Variants in MXRA7 observed in about 807,000 individuals in gnomAD.
The protein encoded by MXRA7 is matrix-remodeling-associated protein 7.
In MXRA7, 18 loss-of-function variants were observed where a neutral mutation model predicts 17.4. That is an observed-to-expected ratio of 1.03 (90% CI 0.71 to 1.53). The LOEUF is 1.53. MXRA7 is among the 40% of genes most tolerant of loss of function. The pLI, the probability that MXRA7 is intolerant of heterozygous loss-of-function variation, is 0.00. For missense variants in MXRA7, 141 were observed against 209.3 expected (o/e 0.67, Z 2.01); for synonymous variants, 70 against 101.7 (o/e 0.69, Z 1.87).
At chr17:76,685,026 C>T (rs1323993900) in intron 3 of MXRA7, 46 bp downstream of exon 3, 6 of 1,532,922 alleles carry the variant, frequency 3.9e-6, no homozygotes, top group Non-Finnish European at 5.4e-6. Context: ...GGGCACCCCC[C>T]TCCCCCAAGA....
chr17:76,700,762 C>T (rs909396035), intron 1 of MXRA7, among the ~76,000 whole-genome samples: 17 of 152,110 alleles, frequency 1.1e-4, no homozygotes, highest in African/African-American at 4.1e-4. Context: ...GACCTCAGAC[C>T]GGATGAAGTG....
At chr17:76,700,722 C>T (rs950846412) in intron 1 of MXRA7, among the ~76,000 whole-genome samples, 3 of 152,178 alleles carry the variant, frequency 2.0e-5, no homozygotes, top group Non-Finnish European at 4.4e-5. Context: ...CGTTCCACTG[C>T]GGCAGACAAG....
At position 76,680,384 on chromosome 17, in the gene MXRA7, G is replaced by C; in HGVS notation, c.*483C>G. On this transcript the variant is annotated 3_prime_UTR_variant, in exon 4 of 4. Transcript: ENST00000449428. ...GGGTTCCCAGGGAAAGGGGTCGGCT[G>C]ACCACCCTGACGGAGCTGGTGAGCA... 1 of 985,826 alleles carries C rather than the reference G, an allele frequency of 1.0e-6. No individual in the cohort carries two copies. Among genetic ancestry groups the C allele is most frequent in the Non-Finnish European group, 1.2e-6 (1 of 830,236 alleles). 61.1% of individuals were successfully genotyped at this position (985,826 alleles called of 1,614,324 possible). A position where few individuals can be genotyped will look rare whatever the true frequency, so the allele number is the denominator to read the frequency against.
rs527335772 is a variant in MXRA7 at position 76,699,887 on chromosome 17, T to G, written c.342+10718A>C. ...GACTGCCACCCAGAGCAGCTCTGTT[T>G]TTGCTTTATGTCCTGGGCTTCCATA... On this transcript the variant is annotated intron_variant, in intron 1 of 3. Coordinates refer to ENST00000449428, the MANE Select transcript of MXRA7 (RefSeq NM_198530.4). 5.5e-4 allele frequency among the ~76,000 whole-genome samples: 84 copies of G among 152,320 alleles called. 1 individual carries two copies. In the South Asian group the frequency reaches 0.016, roughly 29 times the overall value.
intron 1 of MXRA7, among the ~76,000 whole-genome samples, chr17:76,692,742 T>G (rs59953252): frequency 0.14 from 20,650 of 152,172 alleles, 1,638 homozygotes; most frequent in East Asian, 0.32. Flanking sequence ...TTTGAAAGGT[T>G]ATTTACATTT....
At chr17:76,698,582 C>T (rs1282573582) in intron 1 of MXRA7, among the ~76,000 whole-genome samples, 2 of 152,184 alleles carry the variant, frequency 1.3e-5, no homozygotes, top group East Asian at 3.8e-4. Flanking sequence ...GAACTTCTGT[C>T]CAGAACCTAG....
intron 1 of MXRA7, among the ~76,000 whole-genome samples, chr17:76,702,074 A>G (rs1336343542): frequency 1.3e-5 from 2 of 152,230 alleles, no homozygotes; most frequent in Non-Finnish European, 2.9e-5. Flanking sequence ...CTACATTTTG[A>G]GATAGAGAAA....
intron 3 of MXRA7, chr17:76,684,556 G>A: frequency 3.1e-6 from 1 of 320,186 alleles, no homozygotes; most frequent in South Asian, 2.3e-5. Flanking sequence ...AAATGGGAAG[G>A]GGGAGCCAAT....
At chr17:76,687,584 G>A (rs2286590) in intron 2 of MXRA7, among the ~76,000 whole-genome samples, 53,292 of 151,992 alleles carry the variant, frequency 0.35, 10,233 homozygotes, top group Middle Eastern at 0.49. Flanking sequence ...TGTCCTGGCC[G>A]GGTCCGATCT....
At chr17:76,700,033 C>G (rs2076573697) in intron 1 of MXRA7, among the ~76,000 whole-genome samples, 1 of 152,184 alleles carries the variant, frequency 6.6e-6, no homozygotes, top group Admixed American at 6.5e-5. Context: ...AATCTCGGCT[C>G]ACTGCAACCT....
At chr17:76,691,967 T>C (rs114503013) in intron 1 of MXRA7, among the ~76,000 whole-genome samples, 1 of 151,616 alleles carries the variant, frequency 6.6e-6, no homozygotes, top group Non-Finnish European at 1.5e-5. Flanking sequence ...GGGCGAGGAG[T>C]CCATGAGCCA....
chr17:76,673,907 G>A (rs2076221040), exon 4 of MXRA7: 1 of 152,228 alleles, frequency 6.6e-6, no homozygotes, highest in Non-Finnish European at 1.5e-5. Flanking sequence ...CGCTTTGAGG[G>A]AAGGAGGCCC....
chr17:76,685,306 C>G (rs1555641775), intron 2 of MXRA7, 141 bp from the exon 3 acceptor site: 1 of 651,552 alleles, frequency 1.5e-6, no homozygotes, highest in Non-Finnish European at 2.8e-6. Flanking sequence ...ACCCCAGCGC[C>G]TATACCCCCT....
At chr17:76,686,784 C>T (rs2076403297) in intron 2 of MXRA7, among the ~76,000 whole-genome samples, 1 of 152,162 alleles carries the variant, frequency 6.6e-6, no homozygotes, top group Non-Finnish European at 1.5e-5. Context: ...GAGGCTGCCT[C>T]GTACTGCAGA....
intron 1 of MXRA7, among the ~76,000 whole-genome samples, chr17:76,710,302 G>C (rs1032194556): frequency 5.0e-4 from 76 of 152,338 alleles, no homozygotes; most frequent in Middle Eastern, 3.4e-3. Context: ...CCGAGGCCTG[G>C]GAGCCAGCAG....
chr17:76,684,848 T>C (rs1418177893), intron 3 of MXRA7, among the ~76,000 whole-genome samples: 1 of 152,084 alleles, frequency 6.6e-6, no homozygotes, highest in African/African-American at 2.4e-5. Context: ...GTGGCCTCCT[T>C]CTGGTCAGTG....
chr17:76,692,352 C>T (rs1245613627), intron 1 of MXRA7, among the ~76,000 whole-genome samples: 1 of 151,676 alleles, frequency 6.6e-6, no homozygotes, highest in East Asian at 1.9e-4. Context: ...CTCCCAGGTT[C>T]AAGCGACTCT....
intron 1 of MXRA7, among the ~76,000 whole-genome samples, chr17:76,693,819 T>C (rs1325004569): frequency 6.6e-6 from 1 of 152,068 alleles, no homozygotes; most frequent in Non-Finnish European, 1.5e-5. Flanking sequence ...CCAGCCTAGG[T>C]GAAAGAGTGA....
chr17:76,688,100 A>G lies in MXRA7; in HGVS notation c.406+13T>C. Reference sequence around the variant, plus strand: ...CTGTCAGGCCCCCTCATGAGCGCAGAGGTCCCACTCACCGTCCTCCTCCTC... The same window carrying G: ...CTGTCAGGCCCCCTCATGAGCGCAGGGGTCCCACTCACCGTCCTCCTCCTC... On this transcript the variant is annotated intron_variant, in intron 2 of 3. Coordinates refer to ENST00000449428, the MANE Select transcript of MXRA7 (RefSeq NM_198530.4). 1 of 1,612,630 alleles carries G rather than the reference A, an allele frequency of 6.2e-7. No homozygotes were observed. Among genetic ancestry groups the G allele is most frequent in the Non-Finnish European group, 8.5e-7 (1 of 1,179,664 alleles).
Sources: gnomAD v4.1 joint callset for allele counts (sites outside exome capture counted in the v4.1 genomes callset) on GRCh38, gnomAD v4.1.1 for gene constraint, MANE v1.5 for transcripts, NCBI Gene and HGNC (gene_info 2026-07-23, HGNC 2026-07-21) for gene names.